The following MEMO1 variants were observed in gnomAD, a reference collection of about 807,000 sequenced individuals.
MEMO1 encodes protein MEMO1.
A neutral mutation model predicts 45.2 loss-of-function variants in MEMO1; 6 were observed. The ratio of observed to expected loss-of-function variants is 0.13; its 90% CI spans 0.07 to 0.26. The LOEUF (loss-of-function observed/expected upper bound fraction) is 0.26. MEMO1 is among the 10% of genes least tolerant of loss of function. The pLI, the probability that MEMO1 is intolerant of heterozygous loss-of-function variation, is 1.00. For synonymous variants in MEMO1, 78 were observed against 124.3 expected (o/e 0.63, Z 2.48); for missense variants, 184 against 370.5 (o/e 0.50, Z 4.13).
In MEMO1 at chr2:31,906,750, T is replaced by C. The variant is rs575602188; in HGVS notation, c.437+11176A>G. 4.6e-5 allele frequency among the ~76,000 whole-genome samples: 7 copies of C among 152,322 alleles called. No homozygotes were observed. The South Asian group carries it at 1.5e-3, about 32-fold the overall frequency. On this transcript the variant is annotated intron_variant, in intron 6 of 9. Coordinates refer to ENST00000404530, the MANE Select transcript of MEMO1 (RefSeq NM_001301833.4). Reference sequence around the variant, plus strand: ...ACGGCATTCAATTCCCTCCATAATCTGGTTCCAATCTATTTTCCAGTTCTC... The same window carrying C: ...ACGGCATTCAATTCCCTCCATAATCCGGTTCCAATCTATTTTCCAGTTCTC...
chr2:31,906,529 T>G (rs576295122), intron 6 of MEMO1, among the ~76,000 whole-genome samples: 147 of 152,150 alleles, frequency 9.7e-4, no homozygotes, highest in Middle Eastern at 3.4e-3. Flanking sequence ...TTCACCATGT[T>G]GGCCAGGATG....
intron 8 of MEMO1, among the ~76,000 whole-genome samples, chr2:31,874,144 C>T (rs1674206802): frequency 6.6e-6 from 1 of 151,960 alleles, no homozygotes; most frequent in African/African-American, 2.4e-5. Context: ...TCATAATTTG[C>T]CAATGTCCAT....
intron 2 of MEMO1, among the ~76,000 whole-genome samples, chr2:31,952,411 T>C (rs1333475929): frequency 6.6e-6 from 1 of 152,248 alleles, no homozygotes; most frequent in Non-Finnish European, 1.5e-5. Context: ...TCCGTTCATA[T>C]ATAGTCTCAA....
chr2:31,970,533 GA>G (rs1669257798), intron 2 of MEMO1, among the ~76,000 whole-genome samples: 1 of 151,698 alleles, frequency 6.6e-6, no homozygotes, highest in African/African-American at 2.4e-5. Flanking sequence ...CTGGCTTCCT[GA>G]TGAGTCTTAG....
intron 2 of MEMO1, among the ~76,000 whole-genome samples, chr2:31,980,459 ATTTT>A (rs920685751): frequency 3.9e-5 from 6 of 151,996 alleles, no homozygotes; most frequent in Non-Finnish European, 8.8e-5. Flanking sequence ...TAATTTTTAG[ATTTT>A]TTTTATTTTT....
At chr2:31,878,492 A>C (rs1181498489) in intron 8 of MEMO1, among the ~76,000 whole-genome samples, 1 of 152,154 alleles carries the variant, frequency 6.6e-6, no homozygotes, top group Non-Finnish European at 1.5e-5. Flanking sequence ...TAGGACCACC[A>C]TCATTTGAAT....
chr2:31,922,018 G>A (rs1406740621), intron 4 of MEMO1, among the ~76,000 whole-genome samples: 1 of 151,962 alleles, frequency 6.6e-6, no homozygotes, highest in Non-Finnish European at 1.5e-5. Flanking sequence ...AATTTTCTCT[G>A]TTCTCCAAAA....
At chr2:31,964,788 T>C (rs1011851670) in intron 2 of MEMO1, among the ~76,000 whole-genome samples, 2 of 152,174 alleles carry the variant, frequency 1.3e-5, no homozygotes, top group African/African-American at 4.8e-5. Flanking sequence ...ACTGTTGTTT[T>C]TACAGTGATA....
At chr2:31,907,615 C>T (rs542261980) in intron 6 of MEMO1, among the ~76,000 whole-genome samples, 15 of 151,934 alleles carry the variant, frequency 9.9e-5, no homozygotes, top group East Asian at 1.9e-4. Context: ...GGCAACATGG[C>T]GAAACCCCCT....
At chr2:31,915,023 T>C (rs1312299612) in intron 6 of MEMO1, among the ~76,000 whole-genome samples, 1 of 151,146 alleles carries the variant, frequency 6.6e-6, no homozygotes, top group Non-Finnish European at 1.5e-5. Flanking sequence ...TCCCATTGCT[T>C]TGGGAGGCTG....
chr2:31,965,274 G>A (rs1203061437), intron 2 of MEMO1, among the ~76,000 whole-genome samples: 1 of 127,826 alleles, frequency 7.8e-6, no homozygotes, highest in Non-Finnish European at 1.7e-5. Flanking sequence ...GGAAGGAAGG[G>A]AAGAGAAGGG....
chr2:31,945,063 T>A (rs1479965531), intron 2 of MEMO1, among the ~76,000 whole-genome samples: 2 of 152,322 alleles, frequency 1.3e-5, no homozygotes, highest in East Asian at 1.9e-4. Context: ...CTATTCTACT[T>A]TCACTGTATA....
chr2:31,974,550 T>A (rs1444481813), intron 2 of MEMO1, among the ~76,000 whole-genome samples: 2 of 152,088 alleles, frequency 1.3e-5, no homozygotes, highest in African/African-American at 2.4e-5. Flanking sequence ...ATGGAGACCA[T>A]CCTGGCCAAC....
At chr2:31,954,632 A>G (rs1667203044) in intron 2 of MEMO1, among the ~76,000 whole-genome samples, 2 of 152,076 alleles carry the variant, frequency 1.3e-5, no homozygotes, top group Non-Finnish European at 1.5e-5. Flanking sequence ...CAGGAGTTCA[A>G]AATCAGCCTG....
At chr2:31,957,258 T>G (rs1349746494) in intron 2 of MEMO1, among the ~76,000 whole-genome samples, 1 of 152,142 alleles carries the variant, frequency 6.6e-6, no homozygotes, top group East Asian at 1.9e-4. Flanking sequence ...TTACACTACG[T>G]ACATGTATTA....
intron 6 of MEMO1, among the ~76,000 whole-genome samples, chr2:31,916,753 G>T (rs1319903644): frequency 6.6e-6 from 1 of 152,024 alleles, no homozygotes; most frequent in East Asian, 1.9e-4. Flanking sequence ...CTGATTTTTT[G>T]AAAATTCTTC....
chr2:31,906,652 C>A (rs1679793265), intron 6 of MEMO1, among the ~76,000 whole-genome samples: 1 of 152,124 alleles, frequency 6.6e-6, no homozygotes, highest in Non-Finnish European at 1.5e-5. Flanking sequence ...CAGTCCCAAT[C>A]ATCACTCCTT....
chr2:31,869,894 T>A lies in MEMO1; in HGVS notation c.716A>T (p.Tyr239Phe). Residue 239 changes from tyrosine to phenylalanine, a missense_variant, in exon 9 of 10, where the codon TAC becomes TTC. Around this residue, in one of 3 missense-constraint regions of MEMO1, gnomAD observed 97 missense variants for 209.3 expected, o/e 0.46. Transcript: ENST00000404530. Reference sequence around the variant, plus strand: ...ATGTCTTCCACATATAGTATTATGGTATTTCTTCAAGTAATTGCTAAAAGA... The same window carrying A: ...ATGTCTTCCACATATAGTATTATGGAATTTCTTCAAGTAATTGCTAAAAGA... ...PVSFSNYLKK[Y>F]HNTICGRHPI... The A allele has an allele frequency of 6.3e-7, 1 of 1,590,268 alleles. No individual in the cohort carries two copies.
At chr2:31,892,670 T>A (rs1477606111) in intron 6 of MEMO1, among the ~76,000 whole-genome samples, 1 of 152,176 alleles carries the variant, frequency 6.6e-6, no homozygotes, top group Admixed American at 6.5e-5. Flanking sequence ...TTTACACTTA[T>A]CCTAATGATC....
Sources: gnomAD v4.1 joint callset for allele counts (sites outside exome capture counted in the v4.1 genomes callset) on GRCh38, gnomAD v4.1.1 for gene constraint, gnomAD v4.1.1 regional missense constraint, MANE v1.5 for transcripts, NCBI Gene and HGNC (gene_info 2026-07-23, HGNC 2026-07-21) for gene names.